Variants in C7orf78 observed in about 807,000 individuals in gnomAD.
C7orf78 encodes the protein chromosome 7 open reading frame 78.
At chr7:12,509,359 G>A in the C7orf78 span, among the ~76,000 whole-genome samples, 1 of 152,158 alleles carries the variant, frequency 6.6e-6, no homozygotes, top group Non-Finnish European at 1.5e-5. Flanking sequence ...AAGATCTTAC[G>A]ATAGAACTAG....
chr7:12,484,803 A>G, the C7orf78 span, among the ~76,000 whole-genome samples: 42 of 152,168 alleles, frequency 2.8e-4, no homozygotes, highest in African/African-American at 1.0e-3. Context: ...AAAGCTTTCT[A>G]CTTTTGTCTG....
At chr7:12,494,546 C>T in the C7orf78 span, among the ~76,000 whole-genome samples, 1 of 152,144 alleles carries the variant, frequency 6.6e-6, no homozygotes, top group African/African-American at 2.4e-5. Flanking sequence ...ACTTGACAAG[C>T]AGCCAAATTT....
the C7orf78 span, chr7:12,541,849 G>A: frequency 6.6e-6 from 1 of 152,154 alleles, no homozygotes; most frequent in Non-Finnish European, 1.5e-5. Context: ...AGACACTCAA[G>A]TATATCAAAA....
chr7:12,495,218 T>C, the C7orf78 span, among the ~76,000 whole-genome samples: 1 of 152,208 alleles, frequency 6.6e-6, no homozygotes, highest in Non-Finnish European at 1.5e-5. Flanking sequence ...TCTTACGCTG[T>C]AAATTTGTTA....
chr7:12,531,846 GC>G, the C7orf78 span, among the ~76,000 whole-genome samples: 1 of 152,140 alleles, frequency 6.6e-6, no homozygotes, highest in Admixed American at 6.5e-5. Context: ...AGAAAGGAGA[GC>G]AGCTCCTTTC....
At chr7:12,484,733 A>G in the C7orf78 span, among the ~76,000 whole-genome samples, 17 of 152,286 alleles carry the variant, frequency 1.1e-4, no homozygotes, top group Admixed American at 9.8e-4. Flanking sequence ...ATAGAATAGA[A>G]AGCACGTTGT....
chr7:12,513,900 T>C, the C7orf78 span, among the ~76,000 whole-genome samples: 1 of 152,000 alleles, frequency 6.6e-6, no homozygotes, highest in South Asian at 2.1e-4. Flanking sequence ...CTAGGGAGGC[T>C]GAAGCAGGAG....
the C7orf78 span, chr7:12,483,404 A>C: frequency 6.6e-6 from 1 of 152,222 alleles, no homozygotes; most frequent in Non-Finnish European, 1.5e-5. Flanking sequence ...GATTTGAGAC[A>C]AGGAAAAACA....
the C7orf78 span, among the ~76,000 whole-genome samples, chr7:12,511,000 T>C: frequency 6.6e-6 from 1 of 152,176 alleles, no homozygotes; most frequent in Admixed American, 6.5e-5. Context: ...GTGTTTTTTG[T>C]AGTAGTTTTA....
the C7orf78 span, among the ~76,000 whole-genome samples, chr7:12,494,207 T>C: frequency 2.6e-5 from 4 of 152,068 alleles, no homozygotes; most frequent in African/African-American, 9.7e-5. Context: ...GAGAAGGCAA[T>C]ATTGACCATT....
chr7:12,499,128 T>A, the C7orf78 span, among the ~76,000 whole-genome samples: 2 of 152,006 alleles, frequency 1.3e-5, no homozygotes, highest in African/African-American at 4.8e-5. Context: ...CACTGCAAAA[T>A]CATGCCAAAA....
the C7orf78 span, among the ~76,000 whole-genome samples, chr7:12,530,161 T>C: frequency 1.3e-5 from 2 of 152,134 alleles, no homozygotes. Flanking sequence ...CTTTGTCTGT[T>C]AAGTCAGCTT....
the C7orf78 span, among the ~76,000 whole-genome samples, chr7:12,492,877 G>C: frequency 0.029 from 4,373 of 152,260 alleles, 209 homozygotes; most frequent in African/African-American, 0.099. Context: ...GTGTTTTGCA[G>C]TATCTGACAT....
the C7orf78 span, chr7:12,491,507 G>C: frequency 4.0e-5 from 6 of 150,730 alleles, no homozygotes; most frequent in Non-Finnish European, 7.4e-5. Flanking sequence ...CTTCTGGGAA[G>C]CGTTCTGGCC....
the C7orf78 span, among the ~76,000 whole-genome samples, chr7:12,519,236 A>G: frequency 6.6e-6 from 1 of 152,150 alleles, no homozygotes; most frequent in African/African-American, 2.4e-5. Flanking sequence ...GAAGTGAGAA[A>G]GAACCCCACC....
chr7:12,525,963 T>C, the C7orf78 span: 1 of 394,658 alleles, frequency 2.5e-6, no homozygotes, highest in Non-Finnish European at 4.5e-6. Context: ...ATATTAGTAG[T>C]AGTAAATTCA....
At chr7:12,516,985 C>T in the C7orf78 span, among the ~76,000 whole-genome samples, 50 of 152,184 alleles carry the variant, frequency 3.3e-4, no homozygotes, top group South Asian at 8.9e-3. Flanking sequence ...TGAGTTAAGA[C>T]TTTGGGAGAT....
the C7orf78 span, among the ~76,000 whole-genome samples, chr7:12,503,080 T>G: frequency 8.0e-6 from 1 of 125,378 alleles, no homozygotes; most frequent in East Asian, 2.2e-4. Flanking sequence ...CTGGGGACTG[T>G]TGTGGGGTGG....
At chr7:12,496,796 A>C in the C7orf78 span, among the ~76,000 whole-genome samples, 3 of 152,242 alleles carry the variant, frequency 2.0e-5, no homozygotes, top group Admixed American at 1.3e-4. Context: ...CTATGCAAAA[A>C]ACAATGAGGC....
Sources: gnomAD v4.1 joint callset for allele counts (sites outside exome capture counted in the v4.1 genomes callset) on GRCh38, gnomAD v4.1.1 for gene constraint, MANE v1.5 for transcripts, NCBI Gene and HGNC (gene_info 2026-07-23, HGNC 2026-07-21) for gene names.